ALDH1L1: variants seen among roughly 807,000 people sequenced by gnomAD.
ALDH1L1 encodes the protein aldehyde dehydrogenase 1 family member L1, also known as cytosolic 10-formyltetrahydrofolate dehydrogenase.
ALDH1L1 carries 68 observed loss-of-function variants against 101.1 expected under a neutral mutation model. The observed-to-expected ratio is 0.67, with a 90% CI of 0.55 to 0.82. The LOEUF (loss-of-function observed/expected upper bound fraction) is 0.82, where lower values mean the gene tolerates loss of function less well. Among genes scored for constraint, ALDH1L1 ranks in the 40% least tolerant of loss-of-function variants. The pLI is 0.00. For missense variants in ALDH1L1, 1,087 were observed against 1,172.7 expected, an observed-to-expected ratio of 0.93 and a Z score of 1.07; for synonymous variants, 486 against 470.8, an observed-to-expected ratio of 1.03 and a Z score of -0.42.
At chr3:126,194,379 C>T (rs2081569405) in intron 1 of ALDH1L1, among the ~76,000 whole-genome samples, 1 of 151,972 alleles carries the variant, frequency 6.6e-6, no homozygotes, top group Non-Finnish European at 1.5e-5. Context: ...CTGTAGCATC[C>T]CAAAGTTAAG....
chr3:126,124,290 A>G, intron 16 of ALDH1L1, 74 bp downstream of exon 16: 1 of 1,356,610 alleles, frequency 7.4e-7, no homozygotes, highest in Non-Finnish European at 1.0e-6. Context: ...GCCACTATCC[A>G]GTAGGGCCTG....
At chr3:126,109,912 G>T in intron 20 of ALDH1L1, 32 bp downstream of exon 20, 1 of 1,609,640 alleles carries the variant, frequency 6.2e-7, no homozygotes, top group Non-Finnish European at 8.5e-7. Flanking sequence ...TGCCTCAATT[G>T]ACCCAAGCGG....
At position 126,105,870 on chromosome 3, in the gene ALDH1L1, C is replaced by T. The variant is rs770058477; in HGVS notation, c.2509G>A (p.Gly837Ser). The T allele has an allele frequency of 6.2e-7, 1 of 1,614,184 alleles. No individual in the cohort carries two copies. The highest frequency in any genetic ancestry group is 1.1e-5 in the South Asian group (1 of 91,076). ...TTGTTGATGTCCCTGGTGAAGACAC[C>T]AGAAGCCAGGCCAAATTCCGTGGCA... Reference protein sequence around the residue: ...ANATEFGLASGVFTRDINKAL... With the variant: ...ANATEFGLASSVFTRDINKAL... Residue 837 changes from glycine (G) to serine (S), a missense_variant, in exon 22 of 23, where the codon GGT becomes AGT. By Grantham distance (56) the Gly-to-Ser change is moderately conservative (BLOSUM62 0). This residue lies in a region of ALDH1L1 where 442 missense variants were observed against 535.7 expected (regional missense o/e 0.83). Transcript: ENST00000393434.
chr3:126,161,481 G>T (rs909915158), intron 1 of ALDH1L1, among the ~76,000 whole-genome samples: 1 of 152,206 alleles, frequency 6.6e-6, no homozygotes, highest in Non-Finnish European at 1.5e-5. Flanking sequence ...GGGAGTCCCC[G>T]CCGAAGGGGC....
At position 126,142,133 on chromosome 3, in the gene ALDH1L1, AAAACTCACTCATGGAG is replaced by A. The variant is rs537463649; in HGVS notation, c.1077-4189_1077-4174del. Among the ~76,000 whole-genome samples, 27 of 140,518 alleles carry A rather than the reference AAAACTCACTCATGGAG, an allele frequency of 1.9e-4. No homozygotes were observed. In the South Asian group the frequency reaches 5.8e-3, roughly 30 times the overall value. 92.2% of individuals were successfully genotyped at this position (140,518 alleles called of 152,430 possible). ...AATTCCCAGAAACACACAATCTACC[AAAACTCACTCATGGAG>A]AAACAGAAAATTTGAATAGATATAT... On this transcript the variant is annotated intron_variant, in intron 9 of 22. Transcript: ENST00000393434.
At chr3:126,187,922 C>T (rs2081530363) in intron 1 of ALDH1L1, among the ~76,000 whole-genome samples, 1 of 151,984 alleles carries the variant, frequency 6.6e-6, no homozygotes, top group Non-Finnish European at 1.5e-5. Context: ...CAAGTTTAAA[C>T]TTGTCAGAGT....
At chr3:126,119,484 G>C (rs778301987) in intron 16 of ALDH1L1, among the ~76,000 whole-genome samples, 1 of 152,006 alleles carries the variant, frequency 6.6e-6, no homozygotes, top group Non-Finnish European at 1.5e-5. Flanking sequence ...CCCATGACTC[G>C]CTCAGTCCAG....
At chr3:126,167,447 T>C (rs1188536508) in intron 1 of ALDH1L1, among the ~76,000 whole-genome samples, 1 of 152,164 alleles carries the variant, frequency 6.6e-6, no homozygotes, top group East Asian at 1.9e-4. Context: ...TTCATCGCTT[T>C]AACAAGATAA....
intron 14 of ALDH1L1, among the ~76,000 whole-genome samples, chr3:126,126,727 G>A (rs28725291): frequency 0.071 from 10,833 of 152,258 alleles, 1,127 homozygotes; most frequent in African/African-American, 0.23. Flanking sequence ...ACAATTATGT[G>A]CTGAATTGTG....
At chr3:126,183,911 G>A (rs535859043), upstream of ALDH1L1, among the ~76,000 whole-genome samples, 3 of 152,290 alleles carry the variant, frequency 2.0e-5, no homozygotes, top group South Asian at 6.2e-4. Flanking sequence ...ATGTTTGGAG[G>A]GCGAATGTAT....
rs1264176436 is a variant in ALDH1L1, at chr3:126,158,059, G to A, written c.362+346C>T. On this transcript the variant is annotated intron_variant, in intron 3 of 22. Transcript: ENST00000393434. The stretch of plus-strand genomic sequence containing the variant: ...TAGGACCCCCAGCCCACCGCCTGGG[G>A]TGGCACCCTGGCCCCTGCGCCTCCT... Among the ~76,000 whole-genome samples the A allele has an allele frequency of 2.6e-5, 4 of 152,124 alleles. No individual in the cohort carries two copies. The South Asian group carries it at 8.3e-4, about 32-fold the overall frequency.
chr3:126,190,895 T>C (rs1992856), intron 1 of ALDH1L1, among the ~76,000 whole-genome samples: 94,733 of 152,152 alleles, frequency 0.62, 29,569 homozygotes, highest in Middle Eastern at 0.67. Flanking sequence ...ATCTTAACTA[T>C]GTGACAATCT....
At chr3:126,115,865 G>A (rs1234436005) in intron 17 of ALDH1L1, among the ~76,000 whole-genome samples, 1 of 151,432 alleles carries the variant, frequency 6.6e-6, no homozygotes, top group Admixed American at 6.6e-5. Flanking sequence ...ATGAGCCACA[G>A]CACCCAGCCT....
intron 14 of ALDH1L1, among the ~76,000 whole-genome samples, chr3:126,127,957 C>G (rs1397401629): frequency 6.6e-6 from 1 of 151,918 alleles, no homozygotes; most frequent in Admixed American, 6.5e-5. Context: ...GCGGATGCAT[C>G]ACAGATGAGA....
At chr3:126,141,505 C>A (rs538085686) in intron 9 of ALDH1L1, among the ~76,000 whole-genome samples, 1 of 152,142 alleles carries the variant, frequency 6.6e-6, no homozygotes, top group African/African-American at 2.4e-5. Flanking sequence ...TACAAAATAT[C>A]TTTCCTAATC....
At chr3:126,148,862 G>C (rs776189265) in intron 8 of ALDH1L1, among the ~76,000 whole-genome samples, 1 of 152,172 alleles carries the variant, frequency 6.6e-6, no homozygotes, top group Non-Finnish European at 1.5e-5. Flanking sequence ...GAGCCAAGTG[G>C]ACACTTGCTG....
At chr3:126,180,300 C>A in intron 1 of ALDH1L1, 176 bp downstream of exon 1, 1 of 297,954 alleles carries the variant, frequency 3.4e-6, no homozygotes, top group Non-Finnish European at 5.0e-6. Context: ...CCAAAGAACT[C>A]CGGACCCGTA....
chr3:126,152,727 G>A (rs1404031754), intron 7 of ALDH1L1: 4 of 159,496 alleles, frequency 2.5e-5, no homozygotes, highest in African/African-American at 9.6e-5. Flanking sequence ...AAGCTACCAT[G>A]GCCAAGACCA....
chr3:126,125,367 G>A (rs2080160552), intron 15 of ALDH1L1, among the ~76,000 whole-genome samples: 1 of 152,202 alleles, frequency 6.6e-6, no homozygotes, highest in African/African-American at 2.4e-5. Flanking sequence ...CCGAGCAGCT[G>A]CAAGTTCCAG....
Sources: allele counts gnomAD v4.1 joint callset (sites outside exome capture counted in the v4.1 genomes callset), GRCh38; gene constraint gnomAD v4.1.1; regional missense constraint gnomAD v4.1.1; transcripts MANE v1.5; gene names NCBI Gene and HGNC (gene_info 2026-07-23, HGNC 2026-07-21).